Variants in HESX1 observed in about 807,000 individuals in gnomAD.
HESX1 encodes the protein homeobox expressed in ES cells 1.
HESX1 carries 11 observed loss-of-function variants against 22.5 expected under a neutral mutation model. The observed-to-expected ratio is 0.49, with a 90% CI of 0.31 to 0.81. The LOEUF is 0.81. Ranked by LOEUF, HESX1 falls within the 30% of genes least tolerant of loss-of-function variation. The pLI, the probability that HESX1 is intolerant of heterozygous loss-of-function variation, is 0.05. For synonymous variants in HESX1, 74 were observed against 76.5 expected, an observed-to-expected ratio of 0.97 and a Z score of 0.17; for missense variants, 201 against 212.6, an observed-to-expected ratio of 0.95 and a Z score of 0.34.
chr3:57,225,885 T>TC (rs200952744), intron 1 of HESX1, among the ~76,000 whole-genome samples: 380 of 149,650 alleles, frequency 2.5e-3, no homozygotes, highest in African/African-American at 8.7e-3. Flanking sequence ...TCTTTTCTTT[T>TC]TTTTTTTTTT....
intron 1 of HESX1, among the ~76,000 whole-genome samples, chr3:57,208,347 C>CTTGA (rs71088041): frequency 2.0e-5 from 3 of 150,936 alleles, no homozygotes; most frequent in African/African-American, 7.3e-5. Context: ...ACGTCTACAA[C>CTTGA]TTGATTGATT....
chr3:57,222,958 G>A (rs1224642153), intron 1 of HESX1, among the ~76,000 whole-genome samples: 1 of 151,858 alleles, frequency 6.6e-6, no homozygotes, highest in African/African-American at 2.4e-5. Flanking sequence ...ATATGATAGA[G>A]ACAAAAAAGC....
intron 1 of HESX1, among the ~76,000 whole-genome samples, chr3:57,215,769 AAAAC>A (rs373769231): frequency 3.5e-4 from 53 of 152,260 alleles, no homozygotes; most frequent in Middle Eastern, 6.8e-3. Flanking sequence ...TCCATCTCAA[AAAAC>A]AAACAAACAA....
intron 1 of HESX1, 122 bp downstream of exon 1, chr3:57,199,640 A>AAAT: frequency 1.8e-6 from 1 of 567,828 alleles, no homozygotes; most frequent in Non-Finnish European, 2.5e-6. Context: ...AAAAAATAAT[A>AAAT]AATAATAATA....
chr3:57,219,942 A>G (rs551823356), intron 1 of HESX1, among the ~76,000 whole-genome samples: 102 of 152,308 alleles, frequency 6.7e-4, no homozygotes, highest in African/African-American at 2.4e-3. Flanking sequence ...GGTATTGCCT[A>G]GGTTTTCTTC....
At chr3:57,227,458 C>T (rs1351171385), upstream of HESX1, among the ~76,000 whole-genome samples, 4 of 152,232 alleles carry the variant, frequency 2.6e-5, no homozygotes, top group African/African-American at 9.6e-5. Context: ...CAAATTCCCC[C>T]GTGTGGCCCT....
At chr3:57,203,550 G>A (rs1043926848), upstream of HESX1, among the ~76,000 whole-genome samples, 1 of 151,876 alleles carries the variant, frequency 6.6e-6, no homozygotes, top group Admixed American at 6.6e-5. Flanking sequence ...GCCCATTTAG[G>A]GGTTTTGTTT....
intron 1 of HESX1, among the ~76,000 whole-genome samples, chr3:57,220,525 G>A: frequency 6.6e-6 from 1 of 152,090 alleles, no homozygotes; most frequent in South Asian, 2.1e-4. Flanking sequence ...TGCCCCCCAG[G>A]CTCAAGTGAT....
At chr3:57,201,875 ATATCTATCTATCTATCTATCTATCTATC>A (rs759735344), upstream of HESX1, among the ~76,000 whole-genome samples, 26 of 131,928 alleles carry the variant, frequency 2.0e-4, no homozygotes, top group African/African-American at 6.5e-4. Context: ...CTATCTATCT[ATATCTATCTATCTATCTATCTATCTATC>A]TATCTATCTA....
chr3:57,206,114 C>A (rs1048977699), intron 1 of HESX1, among the ~76,000 whole-genome samples: 8 of 152,150 alleles, frequency 5.3e-5, no homozygotes, highest in African/African-American at 1.7e-4. Flanking sequence ...TCACTTGAAT[C>A]CAGGAGGCAG....
At chr3:57,219,609 C>T (rs1307772763) in intron 1 of HESX1, among the ~76,000 whole-genome samples, 2 of 152,112 alleles carry the variant, frequency 1.3e-5, no homozygotes, top group African/African-American at 4.8e-5. Context: ...CCTCATGATC[C>T]ACCCACCTCA....
Position 57,198,960 on chromosome 3 carries a change from C to G in HESX1, c.158-8G>C, listed in dbSNP as rs375287799. On this transcript the variant is annotated splice_region_variant and splice_polypyrimidine_tract_variant and intron_variant, in intron 1 of 3. Coordinates refer to ENST00000295934, the MANE Select transcript of HESX1 (RefSeq NM_003865.3). ...ATAAGTTACCATCTTTCCCTAAAAA[C>G]AAAAAAATAAGCCCTGTCTTAGATG... 109 of 1,611,304 alleles carry G rather than the reference C, an allele frequency of 6.8e-5. 1 individual carries two copies. Among genetic ancestry groups the G allele is most frequent in the Non-Finnish European group, 3.6e-5 (43 of 1,178,362 alleles).
intron 1 of HESX1, among the ~76,000 whole-genome samples, chr3:57,206,470 C>G (rs2060519824): frequency 6.6e-6 from 1 of 152,178 alleles, no homozygotes; most frequent in Non-Finnish European, 1.5e-5. Flanking sequence ...CCTTCTATTA[C>G]AAAACAGCTT....
chr3:57,218,131 G>A (rs927558145), intron 1 of HESX1, among the ~76,000 whole-genome samples: 2 of 152,120 alleles, frequency 1.3e-5, no homozygotes, highest in South Asian at 2.1e-4. Context: ...TGGTTCAGGG[G>A]TACACATGTA....
chr3:57,208,902 G>A (rs1187405074), intron 1 of HESX1, among the ~76,000 whole-genome samples: 1 of 151,832 alleles, frequency 6.6e-6, no homozygotes, highest in East Asian at 2.0e-4. Context: ...CGAAGTTGCA[G>A]TGAGCTGATA....
At chr3:57,211,100 C>T (rs1343000969) in intron 1 of HESX1, among the ~76,000 whole-genome samples, 1 of 151,920 alleles carries the variant, frequency 6.6e-6, no homozygotes, top group Non-Finnish European at 1.5e-5. Context: ...TGCCTGTAAT[C>T]CCAGCTACTA....
chr3:57,207,860 C>T (rs1214608275), intron 1 of HESX1, among the ~76,000 whole-genome samples: 1 of 152,186 alleles, frequency 6.6e-6, no homozygotes, highest in Non-Finnish European at 1.5e-5. Context: ...TTTGGGTCGT[C>T]ATGAGAGCGC....
chr3:57,209,903 C>G (rs775187361), intron 1 of HESX1, among the ~76,000 whole-genome samples: 1 of 152,076 alleles, frequency 6.6e-6, no homozygotes, highest in African/African-American at 2.4e-5. Flanking sequence ...AATCTTCTCA[C>G]GAATCTTTTA....
chr3:57,223,616 C>G (rs1056392054), intron 1 of HESX1, among the ~76,000 whole-genome samples: 1 of 152,162 alleles, frequency 6.6e-6, no homozygotes, highest in African/African-American at 2.4e-5. Flanking sequence ...TCCAAAGCTT[C>G]CCCCTACTCT....
Sources: allele counts gnomAD v4.1 joint callset (sites outside exome capture counted in the v4.1 genomes callset), GRCh38; gene constraint gnomAD v4.1.1; transcripts MANE v1.5; gene names NCBI Gene and HGNC (gene_info 2026-07-23, HGNC 2026-07-21).